Variants in IQCH observed in about 807,000 individuals in gnomAD.
The protein encoded by IQCH is IQ motif containing H, also known as IQ domain-containing protein H.
A neutral mutation model predicts 117.0 loss-of-function variants in IQCH; 98 were observed. That is an observed-to-expected ratio of 0.84 (90% CI 0.71 to 0.99). The LOEUF is 0.99. Ranked by LOEUF, IQCH falls within the 50% of genes least tolerant of loss-of-function variation. IQCH has a pLI of 0.00. For missense variants in IQCH, 1,102 were observed against 1,243.8 expected (o/e 0.89, Z 1.72); for synonymous variants, 412 against 448.2 (o/e 0.92, Z 1.02).
chr15:67,462,071 T>G (rs2141015395), intron 16 of IQCH, among the ~76,000 whole-genome samples: 1 of 151,928 alleles, frequency 6.6e-6, no homozygotes, highest in African/African-American at 2.4e-5. Flanking sequence ...CTCAAGTGGC[T>G]TCCTGCCTTG....
Position 67,490,181 on chromosome 15 carries a change from CTT to C in IQCH, c.2861+119_2861+120del, listed in dbSNP as rs2083609226. ...GCATGCTGATTTATTAGAAGTCTAT[CTT>C]TATTTAGATCTTCAGGTATTTTATT... On this transcript the variant is annotated intron_variant, in intron 19 of 20. Transcript: ENST00000335894. This position sits in a 1 kb window ranked among gnomAD's most constrained non-coding sequence, Gnocchi z 4.9. 2.6e-6 allele frequency: 2 copies of C among 767,474 alleles called. No individual in the cohort carries two copies. Among genetic ancestry groups the C allele is most frequent in the Non-Finnish European group, 4.5e-6 (2 of 446,940 alleles). The allele number at this position is 767,474 out of a possible 1,614,324, so 47.5% of individuals were successfully genotyped here.
chr15:67,337,339 A>G (rs1299442638), intron 5 of IQCH, among the ~76,000 whole-genome samples: 2 of 152,166 alleles, frequency 1.3e-5, no homozygotes, highest in Non-Finnish European at 2.9e-5. Flanking sequence ...ATTGATTTAG[A>G]TGGTGTTATT....
At chr15:67,327,417 A>AATCAC (rs1363150566) in intron 4 of IQCH, among the ~76,000 whole-genome samples, 9 of 152,290 alleles carry the variant, frequency 5.9e-5, no homozygotes, top group Non-Finnish European at 1.0e-4. Context: ...CTGCATAATA[A>AATCAC]ATCACATCAA....
At position 67,453,531 on chromosome 15, in the gene IQCH, A is replaced by T. The variant is rs1384047796; in HGVS notation, c.2506-11596A>T. Among the ~76,000 whole-genome samples the T allele has an allele frequency of 6.6e-6, 1 of 152,224 alleles. No homozygotes were observed. Among genetic ancestry groups the T allele is most frequent in the Non-Finnish European group, 1.5e-5 (1 of 68,044 alleles). ...CCTGGGTATCAGCAGCGGTGGCTGC[A>T]GAACAGTGGATTTTGGTGAACCGCA... On this transcript the variant is annotated intron_variant, in intron 16 of 20. Coordinates refer to ENST00000335894, the MANE Select transcript of IQCH (RefSeq NM_001031715.3). The surrounding 1 kb of genome is among the most constrained non-coding windows in gnomAD (Gnocchi z 5.8).
In IQCH at chr15:67,489,349, G is replaced by C. The variant is rs181647555; in HGVS notation, c.2800-654G>C. Among the ~76,000 whole-genome samples the C allele has an allele frequency of 1.5e-4, 23 of 151,008 alleles. No individual in the cohort carries two copies. The East Asian group carries it at 3.7e-3, about 24-fold the overall frequency. On this transcript the variant is annotated intron_variant, in intron 18 of 20. Coordinates refer to ENST00000335894, the MANE Select transcript of IQCH (RefSeq NM_001031715.3). ...CGCCCGGCCAATTTTTTTTGAGATG[G>C]AATTTTGCTCTTGTTGCCCAGGCTG...
In IQCH at chr15:67,453,018, G is replaced by A. The variant is rs988472830; in HGVS notation, c.2506-12109G>A. ...ACCCTTTCTTCCAGTTGATCACGTCGGCTAATAAGGCTTCTGCATTCGTCA... is the reference window on the plus strand; with the variant it reads ...ACCCTTTCTTCCAGTTGATCACGTCAGCTAATAAGGCTTCTGCATTCGTCA... On this transcript the variant is annotated intron_variant, in intron 16 of 20. Transcript: ENST00000335894. This position sits in a 1 kb window ranked among gnomAD's most constrained non-coding sequence, Gnocchi z 5.8. Among the ~76,000 whole-genome samples the A allele has an allele frequency of 1.2e-4, 18 of 151,960 alleles. No individual in the cohort carries two copies. Among genetic ancestry groups the A allele is most frequent in the Middle Eastern group, 3.4e-3 (1 of 294 alleles).
chr15:67,386,612 C>G lies in IQCH; in HGVS notation c.1456+1593C>G, dbSNP rs185893900. ...ATCCCCTATGGTTTTTCTTCTTATT[C>G]GGGGGAAACAAAGATAATCCAGTCA... On this transcript the variant is annotated intron_variant, in intron 11 of 20. Coordinates refer to ENST00000335894, the MANE Select transcript of IQCH (RefSeq NM_001031715.3). The surrounding 1 kb of genome is among the most constrained non-coding windows in gnomAD (Gnocchi z 5.0). Among the ~76,000 whole-genome samples the G allele has an allele frequency of 6.0e-4, 91 of 151,886 alleles. No homozygotes were observed. Among genetic ancestry groups the G allele is most frequent in the Admixed American group, 5.9e-3 (90 of 15,252 alleles).
At chr15:67,483,896 G>A (rs1030622203) in intron 18 of IQCH, among the ~76,000 whole-genome samples, 3 of 152,212 alleles carry the variant, frequency 2.0e-5, no homozygotes, top group Non-Finnish European at 2.9e-5. Context: ...CAGTAGCTGG[G>A]AGGCTAAAGA....
intron 16 of IQCH, among the ~76,000 whole-genome samples, chr15:67,442,410 A>T (rs1015697131): frequency 7.0e-6 from 1 of 143,710 alleles, no homozygotes; most frequent in African/African-American, 2.5e-5. Context: ...AACTCCATCT[A>T]AAAAAAAAAA....
Position 67,433,687 on chromosome 15 carries a change from C to T in IQCH, c.2505+12110C>T, listed in dbSNP as rs1335097762. 6.6e-6 allele frequency among the ~76,000 whole-genome samples: 1 copy of T among 152,178 alleles called. No individual in the cohort carries two copies. The highest frequency in any genetic ancestry group is 2.4e-5 in the African/African-American group (1 of 41,438). On this transcript the variant is annotated intron_variant, in intron 16 of 20. Coordinates refer to ENST00000335894, the MANE Select transcript of IQCH (RefSeq NM_001031715.3). The surrounding 1 kb of genome is among the most constrained non-coding windows in gnomAD (Gnocchi z 5.4). ...CCAGGGCGAGGAAAATCTGGACACTCACACTGCACCCTGCTGTCTCCAGCA... is the reference window on the plus strand; with the variant it reads ...CCAGGGCGAGGAAAATCTGGACACTTACACTGCACCCTGCTGTCTCCAGCA...
chr15:67,457,465 GCTCC>G lies in IQCH; in HGVS notation c.2506-7659_2506-7656del, dbSNP rs2082687235. Among the ~76,000 whole-genome samples the G allele has an allele frequency of 6.6e-6, 1 of 152,206 alleles. No homozygotes were observed. Among genetic ancestry groups the G allele is most frequent in the African/African-American group, 2.4e-5 (1 of 41,438 alleles). On this transcript the variant is annotated intron_variant, in intron 16 of 20. Coordinates refer to ENST00000335894, the MANE Select transcript of IQCH (RefSeq NM_001031715.3). The surrounding 1 kb of genome is among the most constrained non-coding windows in gnomAD (Gnocchi z 5.7). ...ATAGCATCTGCAAAGAGTTAAATGT[GCTCC>G]CTGTCTCTGAGAAGCAGGCAAGAAC...
chr15:67,418,513 CCACACACACACACACA>C (rs368875296), intron 15 of IQCH, among the ~76,000 whole-genome samples: 3 of 114,092 alleles, frequency 2.6e-5, no homozygotes, highest in Admixed American at 1.0e-4. Flanking sequence ...CAAGTGGCTA[CCACACACACACACACA>C]CACACACACA....
chr15:67,435,682 G>A (rs1275361504), intron 16 of IQCH, among the ~76,000 whole-genome samples: 2 of 151,916 alleles, frequency 1.3e-5, no homozygotes, highest in African/African-American at 4.8e-5. Context: ...GGATCAGCCT[G>A]GCCAACATGG....
At chr15:67,264,347 G>A (rs1166859881) in intron 3 of IQCH, among the ~76,000 whole-genome samples, 1 of 152,216 alleles carries the variant, frequency 6.6e-6, no homozygotes, top group Non-Finnish European at 1.5e-5. Context: ...GTTTTTATGG[G>A]TCAGGAATCT....
At chr15:67,310,523 G>A (rs1266904670) in intron 4 of IQCH, among the ~76,000 whole-genome samples, 2 of 152,002 alleles carry the variant, frequency 1.3e-5, no homozygotes, top group Non-Finnish European at 2.9e-5. Flanking sequence ...AACATTAATT[G>A]GTATTAGTAT....
rs1019081970 is a variant in IQCH, at chr15:67,467,685, G to A, written c.2676+2388G>A. Among the ~76,000 whole-genome samples the A allele has an allele frequency of 3.9e-5, 6 of 152,098 alleles. No individual in the cohort carries two copies. Among genetic ancestry groups the A allele is most frequent in the African/African-American group, 1.4e-4 (6 of 41,418 alleles). ...AAGAAGCATGTGCACATGCACACGC[G>A]GTACAACTCACAAGCAAATCGAAGC... On this transcript the variant is annotated intron_variant, in intron 17 of 20. Coordinates refer to ENST00000335894, the MANE Select transcript of IQCH (RefSeq NM_001031715.3). The surrounding 1 kb of genome is among the most constrained non-coding windows in gnomAD (Gnocchi z 5.7).
At position 67,445,338 on chromosome 15, in the gene IQCH, C is replaced by T. The variant is rs1035542516; in HGVS notation, c.2506-19789C>T. Among the ~76,000 whole-genome samples, 1 of 152,128 alleles carries T rather than the reference C, an allele frequency of 6.6e-6. No homozygotes were observed. The highest frequency in any genetic ancestry group is 2.4e-5 in the African/African-American group (1 of 41,408). ...CATTGTGTCCCCTATTGTTCTGAGC[C>T]CTTATAAATAAATAAATGAAATTGC... is the stretch of plus-strand genomic sequence containing the variant. On this transcript the variant is annotated intron_variant, in intron 16 of 20. Coordinates refer to ENST00000335894, the MANE Select transcript of IQCH (RefSeq NM_001031715.3). This position sits in a 1 kb window ranked among gnomAD's most constrained non-coding sequence, Gnocchi z 4.3.
At chr15:67,363,617 G>C (rs1009412301) in intron 8 of IQCH, among the ~76,000 whole-genome samples, 13 of 152,252 alleles carry the variant, frequency 8.5e-5, no homozygotes, top group South Asian at 6.2e-4. Flanking sequence ...TTAATAAGCT[G>C]TGTGTCATGG....
chr15:67,367,603 G>T (rs1970380095), intron 8 of IQCH, among the ~76,000 whole-genome samples: 1 of 152,062 alleles, frequency 6.6e-6, no homozygotes, highest in Admixed American at 6.6e-5. Flanking sequence ...ATCAAGGCCA[G>T]GTTGGCTCTG....
Sources: gnomAD v4.1 joint callset for allele counts (sites outside exome capture counted in the v4.1 genomes callset) on GRCh38, gnomAD v4.1.1 for gene constraint, Gnocchi (gnomAD v3.1) non-coding constraint, MANE v1.5 for transcripts, NCBI Gene and HGNC (gene_info 2026-07-23, HGNC 2026-07-21) for gene names.